Variants in CRACD observed in about 807,000 individuals in gnomAD.
CRACD encodes capping protein inhibiting regulator of actin dynamics.
CRACD carries 56 observed loss-of-function variants against 106.8 expected under a neutral mutation model. That is an observed-to-expected ratio of 0.52 (90% CI 0.42 to 0.66). The LOEUF is 0.66. CRACD is among the 30% of genes least tolerant of loss of function. The pLI, the probability that CRACD is intolerant of heterozygous loss-of-function variation, is 0.00. For synonymous variants in CRACD, 754 were observed against 670.8 expected (o/e 1.12, Z -1.92); for missense variants, 1,730 against 1,623.2 (o/e 1.07, Z -1.13).
At chr4:56,173,672 T>A (rs746163953) in intron 1 of CRACD, among the ~76,000 whole-genome samples, 9 of 152,264 alleles carry the variant, frequency 5.9e-5, no homozygotes, top group Non-Finnish European at 1.0e-4. Context: ...TTTGCCCACT[T>A]GTTAAAATTT....
At chr4:56,185,292 C>G (rs1737039517) in intron 2 of CRACD, among the ~76,000 whole-genome samples, 1 of 152,086 alleles carries the variant, frequency 6.6e-6, no homozygotes, top group Non-Finnish European at 1.5e-5. Context: ...CTGTTTTGCA[C>G]CCGTCACCTC....
chr4:56,243,708 T>G (rs1740504912), intron 2 of CRACD, among the ~76,000 whole-genome samples: 1 of 152,202 alleles, frequency 6.6e-6, no homozygotes, highest in Non-Finnish European at 1.5e-5. Flanking sequence ...GGGTGTGCAA[T>G]GTGAAATAAG....
chr4:56,179,279 A>T lies in CRACD; in HGVS notation c.-335-5A>T, dbSNP rs1560473629. ...GTTCTTAATGTTTTTTTTTTTTCTC[A>T]ACAGCTTACAAGAGCAGTGATTCCC... On this transcript the variant is annotated splice_region_variant and splice_polypyrimidine_tract_variant and intron_variant, in intron 1 of 10. Transcript: ENST00000682029. 1 of 151,490 alleles carries T rather than the reference A, an allele frequency of 6.6e-6. No individual in the cohort carries two copies. Among genetic ancestry groups the T allele is most frequent in the East Asian group, 1.9e-4 (1 of 5,180 alleles). 9.4% of individuals were successfully genotyped at this position (151,490 alleles called of 1,614,324 possible).
chr4:56,195,402 CA>C (rs1439393735), intron 2 of CRACD, among the ~76,000 whole-genome samples: 9 of 151,728 alleles, frequency 5.9e-5, no homozygotes, highest in African/African-American at 2.2e-4. Context: ...ATGAATGCTT[CA>C]AAAATGGGGT....
intron 8 of CRACD, among the ~76,000 whole-genome samples, chr4:56,316,907 A>AG (rs1745712179): frequency 6.6e-6 from 1 of 152,212 alleles, no homozygotes; most frequent in Non-Finnish European, 1.5e-5. Flanking sequence ...TATGGACCTT[A>AG]AGTCGAGAGC....
At chr4:56,270,921 A>AACACACAC (rs35109908) in intron 2 of CRACD, among the ~76,000 whole-genome samples, 107 of 145,732 alleles carry the variant, frequency 7.3e-4, no homozygotes, top group African/African-American at 2.3e-3. Context: ...GTCTCTACTA[A>AACACACAC]ACACACACAC....
intron 2 of CRACD, among the ~76,000 whole-genome samples, chr4:56,179,639 A>G (rs976451078): frequency 6.6e-6 from 1 of 152,200 alleles, no homozygotes; most frequent in Non-Finnish European, 1.5e-5. Context: ...AGTGACTTAA[A>G]TTCTCTGAAC....
At chr4:56,144,741 C>T (rs772604883) in intron 1 of CRACD, among the ~76,000 whole-genome samples, 8 of 151,846 alleles carry the variant, frequency 5.3e-5, no homozygotes, top group Non-Finnish European at 7.4e-5. Flanking sequence ...CTGCAAACTC[C>T]GCCTTCCGGG....
intron 8 of CRACD, among the ~76,000 whole-genome samples, chr4:56,319,677 T>C (rs1745934264): frequency 6.6e-6 from 1 of 152,160 alleles, no homozygotes; most frequent in South Asian, 2.1e-4. Context: ...GAAATTCTAA[T>C]CTTTCTTTCT....
chr4:56,195,304 T>C (rs11936569), intron 2 of CRACD, among the ~76,000 whole-genome samples: 56,611 of 151,884 alleles, frequency 0.37, 11,196 homozygotes, highest in East Asian at 0.71. Context: ...ATGCGTCAAT[T>C]TTCATGGCAA....
chr4:56,113,821 G>T (rs544840076), intron 1 of CRACD, among the ~76,000 whole-genome samples: 1 of 152,000 alleles, frequency 6.6e-6, no homozygotes, highest in Non-Finnish European at 1.5e-5. Flanking sequence ...ATTAGAATTC[G>T]CACAAAAAGA....
intron 2 of CRACD, among the ~76,000 whole-genome samples, chr4:56,192,221 A>G (rs2199704): frequency 0.78 from 118,389 of 151,930 alleles, 46,481 homozygotes; most frequent in South Asian, 0.87. Context: ...GCAAAACCCC[A>G]TCTCTCCTAA....
At chr4:56,242,233 A>C (rs998605389) in intron 2 of CRACD, among the ~76,000 whole-genome samples, 3 of 152,118 alleles carry the variant, frequency 2.0e-5, no homozygotes, top group African/African-American at 7.2e-5. Flanking sequence ...AATGAAATAG[A>C]ATTAGTGTTT....
In CRACD at chr4:56,175,794, C is replaced by A. The variant is rs189985044; in HGVS notation, c.-335-3490C>A. Among the ~76,000 whole-genome samples the A allele has an allele frequency of 1.7e-3, 252 of 152,272 alleles. 1 individual carries two copies. The highest frequency in any genetic ancestry group is 5.8e-3 in the African/African-American group (241 of 41,558). On this transcript the variant is annotated intron_variant, in intron 1 of 10. Transcript: ENST00000682029. ...CAGAAGCTTTTTAGCTCAATGTAAT[C>A]CCAATTGTTAATTTTTGCTTTGGTT...
At chr4:56,285,431 C>A (rs982253223) in intron 3 of CRACD, among the ~76,000 whole-genome samples, 4 of 115,376 alleles carry the variant, frequency 3.5e-5, no homozygotes, top group Middle Eastern at 4.2e-3. Flanking sequence ...AGTAGGGTGA[C>A]ATTAGATAAT....
At chr4:56,180,438 G>A (rs4364322) in intron 2 of CRACD, among the ~76,000 whole-genome samples, 55,158 of 150,826 alleles carry the variant, frequency 0.37, 10,222 homozygotes, top group South Asian at 0.39. Flanking sequence ...GCAGTGAGCC[G>A]AGATCTCACT....
chr4:56,327,183 GGTT>G (rs1746505093), intron 10 of CRACD, among the ~76,000 whole-genome samples: 1 of 152,152 alleles, frequency 6.6e-6, no homozygotes, highest in Non-Finnish European at 1.5e-5. Context: ...TGACTACTTT[GGTT>G]GTTGTAATTC....
chr4:56,124,125 A>G (rs1381616968), intron 1 of CRACD, among the ~76,000 whole-genome samples: 3 of 152,086 alleles, frequency 2.0e-5, no homozygotes, highest in Non-Finnish European at 2.9e-5. Flanking sequence ...TTTAGTAGAA[A>G]TGGGGTTTCA....
intron 2 of CRACD, among the ~76,000 whole-genome samples, chr4:56,244,388 A>G (rs1740555388): frequency 6.6e-6 from 1 of 152,214 alleles, no homozygotes; most frequent in Non-Finnish European, 1.5e-5. Context: ...TGAAGTAATC[A>G]TAAAGTGTTA....
Sources: allele counts gnomAD v4.1 joint callset (sites outside exome capture counted in the v4.1 genomes callset), GRCh38; gene constraint gnomAD v4.1.1; transcripts MANE v1.5; gene names NCBI Gene and HGNC (gene_info 2026-07-23, HGNC 2026-07-21).